Variants in POU2F1 observed in about 807,000 individuals in gnomAD.
POU2F1 encodes the protein POU class 2 homeobox 1.
POU2F1 carries 16 observed loss-of-function variants against 84.9 expected under a neutral mutation model. The ratio of observed to expected loss-of-function variants is 0.19; its 90% CI spans 0.13 to 0.29. The LOEUF is 0.29. Ranked by LOEUF, POU2F1 falls within the 10% of genes least tolerant of loss-of-function variation. The probability of loss-of-function intolerance (pLI) is 1.00; values close to 1 mark genes in which losing one functional copy is unlikely to be tolerated. For missense variants in POU2F1, 738 were observed against 942.6 expected (o/e 0.78, Z 2.84); for synonymous variants, 368 against 368.3 (o/e 1.00, Z 0.01).
chr1:167,357,388 C>G (rs1217299087), intron 2 of POU2F1: 1 of 91,046 alleles, frequency 1.1e-5, no homozygotes, highest in Non-Finnish European at 2.1e-5. Context: ...CACCCCCCCC[C>G]GCTTCTTTGT....
intron 13 of POU2F1, among the ~76,000 whole-genome samples, chr1:167,404,265 A>G (rs973446489): frequency 9.0e-5 from 13 of 144,676 alleles, no homozygotes; most frequent in South Asian, 8.7e-4. Context: ...GGCTTTTTTC[A>G]TTGTCTGGTG....
chr1:167,359,302 A>G (rs1190504700), intron 2 of POU2F1, among the ~76,000 whole-genome samples: 1 of 152,164 alleles, frequency 6.6e-6, no homozygotes, highest in East Asian at 1.9e-4. Context: ...CTGTCACCCA[A>G]GTAGCAAACC....
intron 9 of POU2F1, among the ~76,000 whole-genome samples, chr1:167,393,084 G>A (rs1472538846): frequency 1.3e-5 from 2 of 152,068 alleles, no homozygotes; most frequent in African/African-American, 2.4e-5. Flanking sequence ...ATCACATGTG[G>A]TACATTCATT....
chr1:167,225,818 G>A (rs753401300), intron 1 of POU2F1, among the ~76,000 whole-genome samples: 11 of 152,022 alleles, frequency 7.2e-5, no homozygotes, highest in Admixed American at 1.3e-4. Flanking sequence ...TGTTGTTATC[G>A]GTTATTTTTG....
chr1:167,336,255 A>G (rs58007978), intron 2 of POU2F1, among the ~76,000 whole-genome samples: 3,879 of 152,292 alleles, frequency 0.025, 164 homozygotes, highest in African/African-American at 0.087. Context: ...ATTACCTACT[A>G]TACTACTGTA....
chr1:167,398,189 T>TA, intron 11 of POU2F1, 56 bp downstream of exon 11: 1 of 1,536,646 alleles, frequency 6.5e-7, no homozygotes, highest in Non-Finnish European at 8.8e-7. Flanking sequence ...TACTTAACAT[T>TA]AGTACTTAGT....
intron 9 of POU2F1, among the ~76,000 whole-genome samples, chr1:167,392,945 C>G (rs999665642): frequency 2.6e-5 from 4 of 152,244 alleles, no homozygotes; most frequent in East Asian, 1.9e-4. Flanking sequence ...AAAAAAAGCT[C>G]TATTCTCTGT....
chr1:167,318,072 C>T (rs1310568057), intron 1 of POU2F1, among the ~76,000 whole-genome samples: 5 of 152,178 alleles, frequency 3.3e-5, no homozygotes, highest in Admixed American at 6.5e-5. Context: ...CAGTTCCTGG[C>T]ATTAAGGTCA....
chr1:167,412,970 CA>C (rs1650064053), intron 14 of POU2F1, 55 bp from the exon 15 acceptor site: 2 of 1,446,526 alleles, frequency 1.4e-6, no homozygotes, highest in Non-Finnish European at 1.9e-6. Context: ...GGTGTGTTGT[CA>C]AAATGAGACC....
rs369493284 is a variant in POU2F1, at chr1:167,319,683, C to G, written c.62-12787C>G. Among the ~76,000 whole-genome samples, 5 of 151,746 alleles carry G rather than the reference C, an allele frequency of 3.3e-5. No homozygotes were observed. The East Asian group carries it at 7.8e-4, about 24-fold the overall frequency. Reference sequence around the variant, plus strand: ...AAACACTGCAAAAGGTGACATTTAACACAAGCAGAAGACTCTCCTGATTGG... The same window carrying G: ...AAACACTGCAAAAGGTGACATTTAAGACAAGCAGAAGACTCTCCTGATTGG... On this transcript the variant is annotated intron_variant, in intron 1 of 15. Transcript: ENST00000367866.
chr1:167,387,782 A>C (rs1648090445), intron 8 of POU2F1, among the ~76,000 whole-genome samples: 1 of 152,248 alleles, frequency 6.6e-6, no homozygotes, highest in South Asian at 2.1e-4. Context: ...GGGCTTGTGA[A>C]TAGAACAGAA....
At chr1:167,398,625 C>T (rs1648976696) in intron 11 of POU2F1, among the ~76,000 whole-genome samples, 1 of 152,114 alleles carries the variant, frequency 6.6e-6, no homozygotes, top group Non-Finnish European at 1.5e-5. Flanking sequence ...TAAGTTAATG[C>T]AAGAGATATT....
At chr1:167,268,504 A>C (rs560239757) in intron 1 of POU2F1, among the ~76,000 whole-genome samples, 1 of 152,158 alleles carries the variant, frequency 6.6e-6, no homozygotes, top group Non-Finnish European at 1.5e-5. Context: ...CCTTTTGAAG[A>C]ACAAAGGCCT....
chr1:167,346,431 A>G (rs142687807), intron 2 of POU2F1, among the ~76,000 whole-genome samples: 1 of 152,324 alleles, frequency 6.6e-6, no homozygotes, highest in East Asian at 1.9e-4. Flanking sequence ...GATAAGTAAT[A>G]CCTATCCATT....
chr1:167,412,960 GGT>G, intron 14 of POU2F1, 64 bp from the exon 15 acceptor site: 1 of 1,316,172 alleles, frequency 7.6e-7, no homozygotes, highest in Non-Finnish European at 1.1e-6. Context: ...AGTTCCTTTT[GGT>G]GTGTTGTCAA....
At chr1:167,275,031 TA>T (rs143470758) in intron 1 of POU2F1, among the ~76,000 whole-genome samples, 4,752 of 120,512 alleles carry the variant, frequency 0.039, 264 homozygotes, top group African/African-American at 0.098. Flanking sequence ...CAAATAAATG[TA>T]TTTTTTTTTT....
At chr1:167,331,428 T>A (rs1241065422) in intron 1 of POU2F1, among the ~76,000 whole-genome samples, 2 of 152,058 alleles carry the variant, frequency 1.3e-5, no homozygotes, top group Non-Finnish European at 2.9e-5. Context: ...TCAAAAACAG[T>A]ATAGTTTAAA....
chr1:167,412,894 G>C (rs899566418), intron 14 of POU2F1, 132 bp from the exon 15 acceptor site: 7 of 687,770 alleles, frequency 1.0e-5, no homozygotes, highest in Non-Finnish European at 1.7e-5. Flanking sequence ...AACCATAGAA[G>C]AGTAAAGAAA....
chr1:167,296,695 G>A (rs537070580), intron 1 of POU2F1, among the ~76,000 whole-genome samples: 3 of 152,090 alleles, frequency 2.0e-5, no homozygotes, highest in Non-Finnish European at 4.4e-5. Flanking sequence ...AAATGTATAT[G>A]GTAAATGTTA....
Sources: allele counts gnomAD v4.1 joint callset (sites outside exome capture counted in the v4.1 genomes callset), GRCh38; gene constraint gnomAD v4.1.1; transcripts MANE v1.5; gene names NCBI Gene and HGNC (gene_info 2026-07-23, HGNC 2026-07-21).